Variants in HDAC4 observed in about 807,000 individuals in gnomAD.
HDAC4 encodes the protein histone deacetylase A.
HDAC4 carries 16 observed loss-of-function variants against 135.1 expected under a neutral mutation model. That is an observed-to-expected ratio of 0.12 (90% CI 0.08 to 0.18). HDAC4 has a LOEUF of 0.18. Among genes scored for constraint, HDAC4 ranks in the 10% least tolerant of loss-of-function variants. HDAC4 has a pLI of 1.00. For missense variants in HDAC4, 1,143 were observed against 1,511.8 expected, an observed-to-expected ratio of 0.76 and a Z score of 4.05; for synonymous variants, 685 against 653.4, an observed-to-expected ratio of 1.05 and a Z score of -0.74.
At chr2:239,191,012 G>T in intron 3 of HDAC4, 1 of 464,188 alleles carries the variant, frequency 2.2e-6, no homozygotes, top group Non-Finnish European at 4.4e-6. Context: ...ACAGCCCAGG[G>T]ACATCCCAGC....
At chr2:239,168,374 T>G (rs1011803220) in intron 5 of HDAC4, among the ~76,000 whole-genome samples, 3 of 152,172 alleles carry the variant, frequency 2.0e-5, no homozygotes, top group African/African-American at 7.2e-5. Context: ...GCCGTTAATC[T>G]AAATCAAAAC....
intron 6 of HDAC4, among the ~76,000 whole-genome samples, chr2:239,160,168 G>C (rs1265834415): frequency 6.6e-6 from 1 of 152,102 alleles, no homozygotes; most frequent in Non-Finnish European, 1.5e-5. Flanking sequence ...ACATTAACAT[G>C]GATAAAAATA....
At chr2:239,178,311 C>T (rs1443940396) in intron 4 of HDAC4, among the ~76,000 whole-genome samples, 1 of 152,236 alleles carries the variant, frequency 6.6e-6, no homozygotes, top group East Asian at 1.9e-4. Flanking sequence ...CGCTCTGTTG[C>T]CCAGGCTGGA....
In HDAC4 at chr2:239,400,536, C is replaced by A. The variant is rs1463678810; in HGVS notation, c.-220+442G>T. The A allele has an allele frequency of 1.4e-5, 2 of 145,746 alleles. No homozygotes were observed. The highest frequency in any genetic ancestry group is 3.0e-5 in the Non-Finnish European group (2 of 65,590). The allele number at this position is 145,746 out of a possible 1,614,324, so 9.0% of individuals were successfully genotyped here. A position where few individuals can be genotyped will look rare whatever the true frequency, so the allele number is the denominator to read the frequency against. The stretch of plus-strand genomic sequence containing the variant: ...GGGGACCGGCGGGTCCCACGGCGCG[C>A]GGCCAGCGCTGGCCCCCGCCTCCCA... On this transcript the variant is annotated intron_variant, in intron 1 of 26. Transcript: ENST00000543185. The surrounding 1 kb of genome is among the most constrained non-coding windows in gnomAD (Gnocchi z 4.7).
chr2:239,109,966 C>A (rs1190073476), intron 14 of HDAC4, among the ~76,000 whole-genome samples: 2 of 152,148 alleles, frequency 1.3e-5, no homozygotes, highest in Admixed American at 6.5e-5. Flanking sequence ...GCGGCAAAGC[C>A]CACACAGCTG....
intron 24 of HDAC4, among the ~76,000 whole-genome samples, chr2:239,062,402 A>T (rs980907650): frequency 6.6e-5 from 10 of 152,226 alleles, no homozygotes; most frequent in African/African-American, 2.4e-4. Flanking sequence ...CCTTCATCAA[A>T]GGCTGCCGGG....
intron 1 of HDAC4, among the ~76,000 whole-genome samples, chr2:239,372,835 C>G (rs1694729493): frequency 6.6e-6 from 1 of 152,226 alleles, no homozygotes; most frequent in Admixed American, 6.5e-5. Flanking sequence ...ACAATGCACA[C>G]ATGTGCACAT....
chr2:239,075,436 C>T (rs1559377056), intron 22 of HDAC4, among the ~76,000 whole-genome samples: 2 of 152,086 alleles, frequency 1.3e-5, no homozygotes, highest in Non-Finnish European at 2.9e-5. Context: ...ATCGTCAGCT[C>T]AAGAGGCAGG....
At chr2:239,385,780 C>A (rs1187050485) in intron 1 of HDAC4, among the ~76,000 whole-genome samples, 1 of 152,224 alleles carries the variant, frequency 6.6e-6, no homozygotes, top group Non-Finnish European at 1.5e-5. Context: ...GCCAGGCAAG[C>A]CACGGTGAGT....
intron 7 of HDAC4, among the ~76,000 whole-genome samples, chr2:239,154,138 G>A (rs916239486): frequency 6.6e-6 from 1 of 152,148 alleles, no homozygotes; most frequent in Non-Finnish European, 1.5e-5. Flanking sequence ...GGGCCTGATG[G>A]GATGGGTGGT....
chr2:239,297,514 G>A (rs774463145), intron 2 of HDAC4, among the ~76,000 whole-genome samples: 3 of 152,348 alleles, frequency 2.0e-5, no homozygotes, highest in Non-Finnish European at 4.4e-5. Flanking sequence ...CTGGCTGCCC[G>A]GCTATGAGCT....
At position 239,331,703 on chromosome 2, in the gene HDAC4, T is replaced by C. The variant is rs905029248; in HGVS notation, c.22+20975A>G. Among the ~76,000 whole-genome samples, 1 of 152,048 alleles carries C rather than the reference T, an allele frequency of 6.6e-6. No individual in the cohort carries two copies. Among genetic ancestry groups the C allele is most frequent in the Non-Finnish European group, 1.5e-5 (1 of 68,018 alleles). On this transcript the variant is annotated intron_variant, in intron 2 of 26. Transcript: ENST00000543185. This position sits in a 1 kb window ranked among gnomAD's most constrained non-coding sequence, Gnocchi z 4.5. ...TTCCACTCTGGGCTACAGCGGGCCA[T>C]ACTAACCCTCCAGCCAGGAACACAG...
chr2:239,087,438 T>C lies in HDAC4; in HGVS notation c.2444+121A>G. The C allele has an allele frequency of 4.1e-6, 4 of 964,980 alleles. 1 individual carries two copies. The highest frequency in any genetic ancestry group is 6.4e-6 in the Non-Finnish European group (4 of 625,132). 59.8% of individuals were successfully genotyped at this position (964,980 alleles called of 1,614,324 possible). A position where few individuals can be genotyped will look rare whatever the true frequency, so the allele number is the denominator to read the frequency against. On this transcript the variant is annotated intron_variant, in intron 19 of 26. Transcript: ENST00000543185. ...TGGAGCCAAGCCGGCATGCGGCACATCCTGGGTGGCCAGCAAACAGCAGCC... is the reference window on the plus strand; with the variant it reads ...TGGAGCCAAGCCGGCATGCGGCACACCCTGGGTGGCCAGCAAACAGCAGCC...
At chr2:239,197,847 T>TTTTGTGTGTGTG (rs1553553322) in intron 3 of HDAC4, among the ~76,000 whole-genome samples, 12 of 140,126 alleles carry the variant, frequency 8.6e-5, no homozygotes, top group African/African-American at 3.3e-4. Flanking sequence ...CACTAAAAGT[T>TTTTGTGTGTGTG]TGTGTGTGTG....
intron 3 of HDAC4, among the ~76,000 whole-genome samples, chr2:239,210,980 G>T (rs1462053054): frequency 6.6e-6 from 1 of 152,148 alleles, no homozygotes; most frequent in Admixed American, 6.5e-5. Flanking sequence ...AACACTGAGG[G>T]TCCTTTACAC....
chr2:239,057,116 G>A (rs2031972274), intron 24 of HDAC4, among the ~76,000 whole-genome samples: 1 of 152,204 alleles, frequency 6.6e-6, no homozygotes, highest in Non-Finnish European at 1.5e-5. Flanking sequence ...TTTCTAAGTT[G>A]TGACAAACGA....
intron 2 of HDAC4, among the ~76,000 whole-genome samples, chr2:239,345,748 A>T (rs1692586371): frequency 6.8e-6 from 1 of 147,414 alleles, no homozygotes; most frequent in South Asian, 2.1e-4. Flanking sequence ...ACCGTCTAAA[A>T]CACACACACC....
chr2:239,335,869 T>G (rs918634174), intron 2 of HDAC4, among the ~76,000 whole-genome samples: 5 of 152,232 alleles, frequency 3.3e-5, no homozygotes, highest in African/African-American at 4.8e-5. Context: ...TGAAGAACTG[T>G]TTGGCACACA....
chr2:239,058,821 G>A (rs946256375), intron 24 of HDAC4, among the ~76,000 whole-genome samples: 9 of 152,140 alleles, frequency 5.9e-5, no homozygotes, highest in Admixed American at 2.6e-4. Context: ...GACAATCGTC[G>A]GTCAGGAAAA....
Sources: allele counts gnomAD v4.1 joint callset (sites outside exome capture counted in the v4.1 genomes callset), GRCh38; gene constraint gnomAD v4.1.1; non-coding constraint Gnocchi (gnomAD v3.1); transcripts MANE v1.5; gene names NCBI Gene and HGNC (gene_info 2026-07-23, HGNC 2026-07-21).